Variants in NCOA3 observed in about 807,000 individuals in gnomAD.
The protein encoded by NCOA3 is CBP-interacting protein.
A neutral mutation model predicts 158.8 loss-of-function variants in NCOA3; 51 were observed. The observed-to-expected ratio is 0.32, with a 90% CI of 0.26 to 0.41. The LOEUF is 0.41. Ranked by LOEUF, NCOA3 falls within the 10% of genes least tolerant of loss-of-function variation. The pLI, the probability that NCOA3 is intolerant of heterozygous loss-of-function variation, is 1.00. For missense variants in NCOA3, 1,510 were observed against 1,746.6 expected (o/e 0.86, Z 2.41); for synonymous variants, 537 against 592.4 (o/e 0.91, Z 1.36).
intron 1 of NCOA3, among the ~76,000 whole-genome samples, chr20:47,515,147 C>A (rs1362879658): frequency 6.6e-6 from 1 of 151,074 alleles, no homozygotes. Flanking sequence ...CTTTTAATAG[C>A]TATATATATA....
intron 2 of NCOA3, among the ~76,000 whole-genome samples, chr20:47,605,966 T>C (rs971479620): frequency 6.6e-6 from 1 of 152,210 alleles, no homozygotes. Context: ...GTTTATTTAC[T>C]TACTTATCTG....
At chr20:47,651,956 G>A (rs1040350598) in intron 20 of NCOA3, among the ~76,000 whole-genome samples, 5 of 152,004 alleles carry the variant, frequency 3.3e-5, no homozygotes, top group Admixed American at 6.6e-5. Flanking sequence ...GTGAGTCACC[G>A]TGCCCGGCCC....
chr20:47,584,446 T>G (rs941845283), intron 2 of NCOA3, among the ~76,000 whole-genome samples: 28 of 151,988 alleles, frequency 1.8e-4, no homozygotes, highest in Non-Finnish European at 2.9e-4. Context: ...GTGGTGAAGC[T>G]CCGTCTCTAC....
intron 2 of NCOA3, among the ~76,000 whole-genome samples, chr20:47,589,970 T>G (rs1256499799): frequency 1.3e-5 from 2 of 151,420 alleles, no homozygotes; most frequent in Admixed American, 1.3e-4. Flanking sequence ...AGATGTTTAT[T>G]TAAAATGTTT....
chr20:47,623,815 T>C, intron 3 of NCOA3, 96 bp from the exon 4 acceptor site: 2 of 1,088,650 alleles, frequency 1.8e-6, no homozygotes, highest in Non-Finnish European at 2.6e-6. Context: ...AAAGTAATCA[T>C]GTAATAGTGT....
intron 2 of NCOA3, among the ~76,000 whole-genome samples, chr20:47,616,041 C>T (rs2086126116): frequency 1.3e-5 from 2 of 151,574 alleles, no homozygotes; most frequent in Admixed American, 6.6e-5. Flanking sequence ...GCCTGTAGTC[C>T]CAGCTACTCA....
intron 2 of NCOA3, among the ~76,000 whole-genome samples, chr20:47,589,368 G>C (rs2146235345): frequency 6.6e-6 from 1 of 152,088 alleles, no homozygotes; most frequent in East Asian, 1.9e-4. Flanking sequence ...TACATTGTCT[G>C]ATTATAGGAC....
chr20:47,621,891 G>A (rs1196327721), intron 2 of NCOA3, among the ~76,000 whole-genome samples: 1 of 151,932 alleles, frequency 6.6e-6, no homozygotes, highest in Non-Finnish European at 1.5e-5. Context: ...TGGTCAGGCT[G>A]GTCTCAAACT....
chr20:47,532,110 TTG>T lies in NCOA3; in HGVS notation c.-99+30119_-99+30120del, dbSNP rs11474538. Among the ~76,000 whole-genome samples the T allele has an allele frequency of 1.7e-3, 247 of 147,496 alleles. 2 individuals carry two copies. The highest frequency in any genetic ancestry group is 4.5e-3 in the African/African-American group (178 of 39,352). ...AAAATAAAACTTTGTAGGGGGGGAC[TTG>T]TGTGTGTGTGTGTGTGTGTGTGTGT... On this transcript the variant is annotated intron_variant, in intron 1 of 22. Coordinates refer to ENST00000371998, the MANE Select transcript of NCOA3 (RefSeq NM_181659.3).
chr20:47,648,790 C>T (rs1011628523), intron 18 of NCOA3, among the ~76,000 whole-genome samples: 1 of 151,982 alleles, frequency 6.6e-6, no homozygotes, highest in East Asian at 1.9e-4. Flanking sequence ...ACTTTTTTTT[C>T]CCCAGTGCCA....
chr20:47,547,007 C>A (rs947588199), intron 1 of NCOA3, among the ~76,000 whole-genome samples: 2 of 152,172 alleles, frequency 1.3e-5, no homozygotes, highest in African/African-American at 2.4e-5. Flanking sequence ...TCAATTCTTA[C>A]ACTCTTAATG....
At chr20:47,520,573 T>G (rs567797001) in intron 1 of NCOA3, among the ~76,000 whole-genome samples, 1 of 152,366 alleles carries the variant, frequency 6.6e-6, no homozygotes, top group East Asian at 1.9e-4. Flanking sequence ...GTGTCTTGTC[T>G]TGGCTTTCCT....
chr20:47,575,653 A>G (rs2085362162), intron 1 of NCOA3, among the ~76,000 whole-genome samples: 1 of 152,212 alleles, frequency 6.6e-6, no homozygotes, highest in South Asian at 2.1e-4. Flanking sequence ...TGGTTTGGAT[A>G]AGAGCTAATA....
intron 1 of NCOA3, among the ~76,000 whole-genome samples, chr20:47,522,491 A>G (rs1368424709): frequency 4.0e-5 from 6 of 150,696 alleles, no homozygotes; most frequent in African/African-American, 1.5e-4. Flanking sequence ...TCCCCCATAC[A>G]GAGACAGAAG....
At chr20:47,554,479 C>T (rs548808498) in intron 1 of NCOA3, among the ~76,000 whole-genome samples, 69 of 152,080 alleles carry the variant, frequency 4.5e-4, no homozygotes, top group African/African-American at 1.4e-3. Context: ...TGCCCAAAAT[C>T]TCCTTAAGCT....
chr20:47,505,218 C>T (rs1215720849), intron 1 of NCOA3, among the ~76,000 whole-genome samples: 2 of 150,992 alleles, frequency 1.3e-5, no homozygotes, highest in African/African-American at 4.9e-5. Flanking sequence ...CGCACCACCA[C>T]GCCCGGCTAT....
intron 2 of NCOA3, among the ~76,000 whole-genome samples, chr20:47,584,040 A>G (rs1027090679): frequency 3.3e-5 from 5 of 152,326 alleles, no homozygotes; most frequent in African/African-American, 1.2e-4. Flanking sequence ...CACAACTATG[A>G]TCCTAGCACT....
chr20:47,592,033 C>T (rs779286070), intron 2 of NCOA3, among the ~76,000 whole-genome samples: 3 of 152,132 alleles, frequency 2.0e-5, no homozygotes, highest in Admixed American at 6.6e-5. Context: ...ATCATACTTG[C>T]TAGGCCATTT....
chr20:47,623,271 C>T (rs2146299418), intron 3 of NCOA3, among the ~76,000 whole-genome samples: 1 of 152,210 alleles, frequency 6.6e-6, no homozygotes, highest in East Asian at 1.9e-4. Context: ...GTAGCTACCA[C>T]TGTTTTTGTT....
Sources: gnomAD v4.1 joint callset for allele counts (sites outside exome capture counted in the v4.1 genomes callset) on GRCh38, gnomAD v4.1.1 for gene constraint, MANE v1.5 for transcripts, NCBI Gene and HGNC (gene_info 2026-07-23, HGNC 2026-07-21) for gene names.